The following ZNF385D variants were observed in gnomAD, a reference collection of about 807,000 sequenced individuals.
ZNF385D encodes zinc finger protein 385D, also known as zinc finger protein 659.
In ZNF385D, 15 loss-of-function variants were observed where a neutral mutation model predicts 35.8. That is an observed-to-expected ratio of 0.42 (90% CI 0.28 to 0.64). The LOEUF is 0.64. Ranked by LOEUF, ZNF385D falls within the 30% of genes least tolerant of loss-of-function variation. The pLI is 0.23. For missense variants in ZNF385D, 474 were observed against 494.6 expected, an observed-to-expected ratio of 0.96 and a Z score of 0.39; for synonymous variants, 212 against 186.8, an observed-to-expected ratio of 1.13 and a Z score of -1.10.
intron 2 of ZNF385D, among the ~76,000 whole-genome samples, chr3:22,321,079 T>A (rs1267980127): frequency 6.6e-6 from 1 of 151,556 alleles, no homozygotes; most frequent in African/African-American, 2.4e-5. Flanking sequence ...AACTGTACTG[T>A]CATTATTTAA....
intron 1 of ZNF385D, among the ~76,000 whole-genome samples, chr3:21,750,528 T>C (rs1265695444): frequency 6.6e-6 from 1 of 152,138 alleles, no homozygotes; most frequent in Non-Finnish European, 1.5e-5. Flanking sequence ...GCATCAATTG[T>C]ATAGAAACTT....
intron 3 of ZNF385D, among the ~76,000 whole-genome samples, chr3:22,077,574 C>A (rs751840625): frequency 6.6e-6 from 1 of 151,924 alleles, no homozygotes; most frequent in Non-Finnish European, 1.5e-5. Flanking sequence ...TATCTAAATG[C>A]AAAGCAGACT....
chr3:21,857,964 G>C (rs1696822910), intron 3 of ZNF385D, among the ~76,000 whole-genome samples: 1 of 151,804 alleles, frequency 6.6e-6, no homozygotes, highest in South Asian at 2.1e-4. Context: ...TCCAGGGCCA[G>C]GCATGGTGGT....
intron 3 of ZNF385D, among the ~76,000 whole-genome samples, chr3:21,553,266 A>G (rs775219719): frequency 2.2e-4 from 33 of 152,164 alleles, no homozygotes; most frequent in Non-Finnish European, 3.7e-4. Flanking sequence ...AAATATTGCA[A>G]TTTGGTTCCA....
At chr3:22,119,972 A>G (rs1318892545) in intron 3 of ZNF385D, among the ~76,000 whole-genome samples, 2 of 147,760 alleles carry the variant, frequency 1.4e-5, no homozygotes, top group Non-Finnish European at 3.0e-5. Context: ...ATGCTCCAAC[A>G]TACTCAATTT....
Position 22,333,630 on chromosome 3 carries a change from ATTCTAT to A in ZNF385D, c.106+38814_106+38819del, listed in dbSNP as rs1695035742. Among the ~76,000 whole-genome samples, 6 of 152,134 alleles carry A rather than the reference ATTCTAT, an allele frequency of 3.9e-5. No homozygotes were observed. The South Asian group carries it at 1.2e-3, about 32-fold the overall frequency. On this transcript the variant is annotated intron_variant, in intron 2 of 5. Coordinates refer to the ZNF385D transcript ENST00000494108. ...TCCCATTTTGTTCTTTTTTACATAT[ATTCTAT>A]TTCTTTCCTAAGACTTTCTATATTT... is the stretch of plus-strand genomic sequence containing the variant.
intron 3 of ZNF385D, among the ~76,000 whole-genome samples, chr3:21,791,241 T>C (rs1015824444): frequency 1.3e-5 from 2 of 152,162 alleles, no homozygotes; most frequent in African/African-American, 4.8e-5. Flanking sequence ...ACGTGACTAG[T>C]TTGCCTCCAA....
intron 3 of ZNF385D, among the ~76,000 whole-genome samples, chr3:21,878,467 T>C (rs887034469): frequency 6.6e-6 from 1 of 152,034 alleles, no homozygotes; most frequent in African/African-American, 2.4e-5. Flanking sequence ...TTTGTGTATG[T>C]TTACAGAAAA....
rs756190719 is a variant in ZNF385D at position 21,832,296 on chromosome 3, T to A, written c.326-167268A>T. On this transcript the variant is annotated intron_variant, in intron 3 of 5. Transcript: ENST00000494108. The stretch of plus-strand genomic sequence containing the variant: ...ACAAGTCTTACAGAAAATAAGCACA[T>A]CTCTATATTGTCATCTGCCCGTTAA... 1.1e-4 allele frequency among the ~76,000 whole-genome samples: 17 copies of A among 152,172 alleles called. No homozygotes were observed. The East Asian group carries it at 2.3e-3, about 21-fold the overall frequency.
At chr3:21,675,210 TG>T (rs1288575404) in intron 1 of ZNF385D, among the ~76,000 whole-genome samples, 1 of 152,048 alleles carries the variant, frequency 6.6e-6, no homozygotes, top group African/African-American at 2.4e-5. Context: ...GAAAAATAAA[TG>T]GCCCAAACAC....
chr3:21,869,788 C>A (rs1423595272), intron 3 of ZNF385D, among the ~76,000 whole-genome samples: 2 of 151,964 alleles, frequency 1.3e-5, no homozygotes, highest in African/African-American at 4.8e-5. Flanking sequence ...GAAAATTAAG[C>A]CTGGAGCCAA....
chr3:21,557,243 A>C (rs2062775926), intron 3 of ZNF385D, among the ~76,000 whole-genome samples: 1 of 152,142 alleles, frequency 6.6e-6, no homozygotes, highest in African/African-American at 2.4e-5. Context: ...ATCTTGTGCT[A>C]GTTTTCAAAG....
At chr3:22,312,091 A>G (rs1703589235) in intron 2 of ZNF385D, among the ~76,000 whole-genome samples, 1 of 152,102 alleles carries the variant, frequency 6.6e-6, no homozygotes, top group Non-Finnish European at 1.5e-5. Context: ...TAATAACTCA[A>G]TCGGGCAAAA....
chr3:21,993,457 C>T (rs998997878), intron 3 of ZNF385D, among the ~76,000 whole-genome samples: 3 of 152,032 alleles, frequency 2.0e-5, no homozygotes, highest in African/African-American at 7.2e-5. Flanking sequence ...TATGATTATT[C>T]AAAAGTAGTG....
At chr3:21,998,181 C>G (rs1204936984) in intron 3 of ZNF385D, among the ~76,000 whole-genome samples, 1 of 152,068 alleles carries the variant, frequency 6.6e-6, no homozygotes, top group South Asian at 2.1e-4. Flanking sequence ...AGTGAATAAC[C>G]TACCCCTTAT....
rs73133215 is a variant in ZNF385D at position 21,958,323 on chromosome 3, G to A, written c.325+210494C>T. On this transcript the variant is annotated intron_variant, in intron 3 of 5. Transcript: ENST00000494108. ...GTCAGGAACATGGGCTTTGCTGTCA[G>A]GCCAGAGCTTATACTTTATTGCTTT... Among the ~76,000 whole-genome samples the A allele has an allele frequency of 8.1e-3, 1,238 of 152,178 alleles. 14 individuals are homozygous for A. Among genetic ancestry groups the A allele is most frequent in the African/African-American group, 0.028 (1,181 of 41,526 alleles).
At chr3:21,904,602 A>G (rs553074808) in intron 3 of ZNF385D, among the ~76,000 whole-genome samples, 11 of 152,280 alleles carry the variant, frequency 7.2e-5, no homozygotes, top group African/African-American at 2.6e-4. Context: ...TAGCCTAGAT[A>G]AAGCTTTATG....
chr3:22,306,707 T>A lies in ZNF385D; in HGVS notation c.106+65743A>T, dbSNP rs147355484. Among the ~76,000 whole-genome samples the A allele has an allele frequency of 8.5e-3, 1,298 of 152,220 alleles. 6 individuals are homozygous for A. Among genetic ancestry groups the A allele is most frequent in the Non-Finnish European group, 0.015 (1,009 of 68,004 alleles). ...ATGTAAGGTGAATTAGCATGAGAAT[T>A]GTCAGAGAGTTGGAGAGATAAGATT... is the stretch of plus-strand genomic sequence containing the variant. On this transcript the variant is annotated intron_variant, in intron 2 of 5. Coordinates refer to the ZNF385D transcript ENST00000494108.
intron 3 of ZNF385D, among the ~76,000 whole-genome samples, chr3:22,026,674 G>C (rs1451390282): frequency 6.6e-6 from 1 of 152,180 alleles, no homozygotes; most frequent in East Asian, 1.9e-4. Flanking sequence ...TTGACTTCCT[G>C]AGCGGTAGAG....
Sources: gnomAD v4.1 joint callset for allele counts (sites outside exome capture counted in the v4.1 genomes callset) on GRCh38, gnomAD v4.1.1 for gene constraint, MANE v1.5 for transcripts, NCBI Gene and HGNC (gene_info 2026-07-23, HGNC 2026-07-21) for gene names.